Variants in PRSS12 observed in about 807,000 individuals in gnomAD.
PRSS12 encodes serine protease 12.
In PRSS12, 85 loss-of-function variants were observed where a neutral mutation model predicts 104.4. That is an observed-to-expected ratio of 0.81 (90% confidence interval 0.68 to 0.98). The LOEUF is 0.98. Among genes scored for constraint, PRSS12 ranks in the 50% least tolerant of loss-of-function variants. PRSS12 has a pLI of 0.00. For missense variants in PRSS12, 1,141 were observed against 1,139.2 expected (o/e 1.00, Z -0.02); for synonymous variants, 454 against 425.2 (o/e 1.07, Z -0.83).
chr4:118,295,921 G>C, intron 9 of PRSS12, 65 bp from the exon 10 acceptor site: 1 of 1,377,976 alleles, frequency 7.3e-7, no homozygotes, highest in Non-Finnish European at 1.0e-6. Context: ...GACGATAAGT[G>C]ACATACTCCA....
chr4:118,297,190 T>C (rs1291506706), intron 9 of PRSS12, among the ~76,000 whole-genome samples: 1 of 152,222 alleles, frequency 6.6e-6, no homozygotes, highest in Non-Finnish European at 1.5e-5. Flanking sequence ...CTGGTTAATA[T>C]GCCAGATTCT....
intron 1 of PRSS12, among the ~76,000 whole-genome samples, chr4:118,343,589 TC>T (rs1724271235): frequency 6.6e-6 from 1 of 151,956 alleles, no homozygotes. Flanking sequence ...AGACCCCACC[TC>T]TACAAAAAAT....
At chr4:118,312,393 C>G (rs958793088) in intron 7 of PRSS12, among the ~76,000 whole-genome samples, 3 of 152,048 alleles carry the variant, frequency 2.0e-5, no homozygotes, top group African/African-American at 4.8e-5. Flanking sequence ...CATACACATA[C>G]ACACAGATAG....
At chr4:118,327,103 T>A (rs1723793620) in intron 4 of PRSS12, among the ~76,000 whole-genome samples, 1 of 152,124 alleles carries the variant, frequency 6.6e-6, no homozygotes, top group Non-Finnish European at 1.5e-5. Context: ...ACAAGCTTGG[T>A]TTATACAATG....
intron 8 of PRSS12, among the ~76,000 whole-genome samples, chr4:118,307,167 C>T (rs1363401304): frequency 6.6e-6 from 1 of 152,116 alleles, no homozygotes; most frequent in Non-Finnish European, 1.5e-5. Context: ...AATGTAGACT[C>T]TCCCTACTTT....
At chr4:118,300,146 G>A (rs1295802446) in intron 8 of PRSS12, among the ~76,000 whole-genome samples, 3 of 151,980 alleles carry the variant, frequency 2.0e-5, no homozygotes, top group Non-Finnish European at 4.4e-5. Context: ...AAGTAGCTGG[G>A]ACTACAGGCG....
chr4:118,352,399 G>A lies in PRSS12; in HGVS notation c.322C>T (p.Pro108Ser). 12 of 1,541,194 alleles carry A rather than the reference G, an allele frequency of 7.8e-6. No individual in the cohort carries two copies. Among genetic ancestry groups the A allele is most frequent in the Non-Finnish European group, 1.0e-5 (12 of 1,148,468 alleles). ...PWVSVTDFGA[P>S]CLRWAEVPPF... is the part of the protein sequence containing the mutation. ...GGCACCTCCGCCCACCGCAGACACG[G>A]GGCGCCGAAGTCCGTCACGCTGACC... The change falls in exon 1 of 13, where the codon CCG becomes TCG. Residue 108 changes from proline (P) to serine (S), a missense_variant. Coordinates refer to ENST00000296498, the MANE Select transcript of PRSS12 (RefSeq NM_003619.4).
chr4:118,287,386 G>A (rs1312796155), intron 11 of PRSS12, among the ~76,000 whole-genome samples: 1 of 152,178 alleles, frequency 6.6e-6, no homozygotes, highest in East Asian at 1.9e-4. Context: ...CTGGGCTCAA[G>A]CGATCTGCCT....
chr4:118,301,940 T>G (rs1039646506), intron 8 of PRSS12, among the ~76,000 whole-genome samples: 1 of 152,206 alleles, frequency 6.6e-6, no homozygotes, highest in African/African-American at 2.4e-5. Context: ...TTCTTAAGGC[T>G]TTAGTGCAAC....
intron 11 of PRSS12, among the ~76,000 whole-genome samples, chr4:118,283,650 A>G (rs550647777): frequency 9.2e-5 from 14 of 152,118 alleles, no homozygotes; most frequent in Non-Finnish European, 1.8e-4. Flanking sequence ...CCTCTTTTAA[A>G]TCTTTATTCA....
In PRSS12 at chr4:118,352,796, G is replaced by A. The variant is rs533165680; in HGVS notation, c.-76C>T. 8.7e-4 allele frequency: 1,372 copies of A among 1,578,600 alleles called. 16 individuals are homozygous for A. The African/African-American group carries it at 0.016, about 19-fold the overall frequency. ...GAGCGGAGAAGAGGAGGGGGCGGGGGCGGGGCTGCCGCGTCCCTCGAATCC... is the reference window on the plus strand; with the variant it reads ...GAGCGGAGAAGAGGAGGGGGCGGGGACGGGGCTGCCGCGTCCCTCGAATCC... On this transcript the variant is annotated 5_prime_UTR_variant, in exon 1 of 13. Coordinates refer to ENST00000296498, the MANE Select transcript of PRSS12 (RefSeq NM_003619.4).
intron 7 of PRSS12, among the ~76,000 whole-genome samples, chr4:118,308,806 T>C (rs529517428): frequency 1.3e-5 from 2 of 152,354 alleles, no homozygotes; most frequent in East Asian, 3.9e-4. Context: ...ATCCCCAGAC[T>C]GTGGAACAGT....
chr4:118,282,478 T>C (rs924699015), intron 12 of PRSS12, among the ~76,000 whole-genome samples: 1 of 152,198 alleles, frequency 6.6e-6, no homozygotes, highest in Non-Finnish European at 1.5e-5. Flanking sequence ...ATGAATAACA[T>C]TTATGGATTT....
chr4:118,331,631 C>T (rs1183807025), intron 4 of PRSS12, 85 bp downstream of exon 4: 3 of 1,554,042 alleles, frequency 1.9e-6, no homozygotes, highest in Non-Finnish European at 2.6e-6. Flanking sequence ...AGGAAATGTG[C>T]AATTTAAACA....
chr4:118,348,745 A>G (rs1724417402), intron 1 of PRSS12, among the ~76,000 whole-genome samples: 1 of 150,856 alleles, frequency 6.6e-6, no homozygotes. Flanking sequence ...TCTGCCTCCC[A>G]GGTTCAAGCG....
chr4:118,318,227 T>C, intron 5 of PRSS12, 151 bp downstream of exon 5: 1 of 768,548 alleles, frequency 1.3e-6, no homozygotes, highest in Non-Finnish European at 2.1e-6. Flanking sequence ...GGTACTTTAA[T>C]ATACGGTTTG....
At position 118,352,554 on chromosome 4, in the gene PRSS12, G is replaced by T. The variant is rs1361661237; in HGVS notation, c.167C>A (p.Thr56Lys). 2 of 1,528,556 alleles carry T rather than the reference G, an allele frequency of 1.3e-6. No individual in the cohort carries two copies. Among genetic ancestry groups the T allele is most frequent in the Admixed American group, 2.1e-5 (1 of 48,372 alleles). The allele number at this position is 1,528,556 out of a possible 1,614,324, so 94.7% of individuals were successfully genotyped here. ...YLPTQQRPPR[T>K]RPPPPLPRFP... is the part of the protein sequence containing the mutation. ...GCGCGGGAGAGGCGGCGGCGGACGC[G>T]TCCTCGGGGGCCGCTGCTGGGTGGG... The change falls in exon 1 of 13, where the codon ACG becomes AAG. Residue 56 changes from threonine to lysine, a missense_variant. Thr to Lys is a moderately conservative substitution (Grantham distance 78). Coordinates refer to ENST00000296498, the MANE Select transcript of PRSS12 (RefSeq NM_003619.4).
chr4:118,347,077 T>TAA (rs556055223), intron 1 of PRSS12, among the ~76,000 whole-genome samples: 2 of 144,314 alleles, frequency 1.4e-5, no homozygotes, highest in Admixed American at 7.0e-5. Context: ...TTGTCTTCTC[T>TAA]AAAAAAAAAA....
At chr4:118,283,775 G>A (rs534105459) in intron 11 of PRSS12, among the ~76,000 whole-genome samples, 5 of 151,822 alleles carry the variant, frequency 3.3e-5, no homozygotes, top group Admixed American at 6.6e-5. Context: ...ACTTTTCCTC[G>A]TTTTTAAGCA....
Sources: allele counts gnomAD v4.1 joint callset (sites outside exome capture counted in the v4.1 genomes callset), GRCh38; gene constraint gnomAD v4.1.1; transcripts MANE v1.5; gene names NCBI Gene and HGNC (gene_info 2026-07-23, HGNC 2026-07-21).